The following WDR4 variants were observed in gnomAD, a reference collection of about 807,000 sequenced individuals.
The protein encoded by WDR4 is tRNA (guanine-N(7)-)-methyltransferase non-catalytic subunit WDR4.
In WDR4, 47 loss-of-function variants were observed where a neutral mutation model predicts 48.6. That is an observed-to-expected ratio of 0.97 (90% CI 0.77 to 1.23). The LOEUF is 1.23. WDR4 is among the 50% of genes most tolerant of loss of function. WDR4 has a pLI of 0.00. For missense variants in WDR4, 606 were observed against 551.6 expected, an observed-to-expected ratio of 1.10 and a Z score of -0.99; for synonymous variants, 268 against 230.0, an observed-to-expected ratio of 1.17 and a Z score of -1.49.
In WDR4 at chr21:42,876,155, C is replaced by T. The variant is rs201440236; in HGVS notation, c.155+547G>A. On this transcript the variant is annotated intron_variant, in intron 2 of 10. Transcript: ENST00000398208. ...TGAACTTCTGACCTCAGTCAGCACC[C>T]TGGCTTCCCAAAGTGCTGAGATTAT... 2.7e-5 allele frequency among the ~76,000 whole-genome samples: 4 copies of T among 150,388 alleles called. No individual in the cohort carries two copies. The East Asian group carries it at 7.8e-4, about 29-fold the overall frequency.
intron 2 of WDR4, among the ~76,000 whole-genome samples, chr21:42,876,099 T>TG (rs1018257206): frequency 1.3e-5 from 2 of 151,442 alleles, no homozygotes; most frequent in African/African-American, 2.4e-5. Flanking sequence ...TTAGTAGAGA[T>TG]GGAGTTTCAT....
chr21:42,861,719 T>C (rs2058120947), intron 5 of WDR4, among the ~76,000 whole-genome samples: 1 of 152,248 alleles, frequency 6.6e-6, no homozygotes, highest in African/African-American at 2.4e-5. Flanking sequence ...CTCCAATTTC[T>C]TCCACTGCCT....
intron 3 of WDR4, among the ~76,000 whole-genome samples, chr21:42,863,852 A>G (rs981368071): frequency 6.7e-6 from 1 of 149,744 alleles, no homozygotes; most frequent in Non-Finnish European, 1.5e-5. Context: ...CACACCTGTA[A>G]TCCCAGCACT....
downstream of WDR4, among the ~76,000 whole-genome samples, chr21:42,847,603 T>C (rs2057722215): frequency 6.6e-6 from 1 of 152,196 alleles, no homozygotes; most frequent in Admixed American, 6.5e-5. Context: ...TCCCAGCCAC[T>C]CCACTCTGCA....
At chr21:42,857,343 C>G (rs148811627) in intron 6 of WDR4, among the ~76,000 whole-genome samples, 1 of 152,080 alleles carries the variant, frequency 6.6e-6, no homozygotes, top group Non-Finnish European at 1.5e-5. Context: ...CTGACCCACA[C>G]GTTCTACGGA....
intron 6 of WDR4, among the ~76,000 whole-genome samples, chr21:42,858,777 T>C (rs2146030051): frequency 6.6e-6 from 1 of 152,284 alleles, no homozygotes; most frequent in Admixed American, 6.5e-5. Flanking sequence ...CGTGGCTGTG[T>C]GTTAATTTGA....
chr21:42,872,372 G>C (rs1569333906), intron 3 of WDR4, among the ~76,000 whole-genome samples: 1 of 151,992 alleles, frequency 6.6e-6, no homozygotes, highest in African/African-American at 2.4e-5. Context: ...CACTTTGGGA[G>C]GCTGAGGCGG....
chr21:42,879,881 A>G (rs1210562212), upstream of WDR4: 4 of 400,690 alleles, frequency 1.0e-5, no homozygotes, highest in East Asian at 1.1e-4. Context: ...TGATCCTTCA[A>G]GAAGTGAATG....
downstream of WDR4, among the ~76,000 whole-genome samples, chr21:42,844,660 G>A (rs2057695915): frequency 6.6e-6 from 1 of 152,182 alleles, no homozygotes; most frequent in Admixed American, 6.5e-5. Flanking sequence ...GGTGCAGCAG[G>A]CCAAGGCCTG....
At chr21:42,844,313 C>A (rs1456840436), downstream of WDR4, among the ~76,000 whole-genome samples, 2 of 152,112 alleles carry the variant, frequency 1.3e-5, no homozygotes, top group East Asian at 3.8e-4. Flanking sequence ...CACACATACC[C>A]TAAAGCTTAT....
At chr21:42,874,235 G>C (rs919869627) in intron 2 of WDR4, among the ~76,000 whole-genome samples, 2 of 152,150 alleles carry the variant, frequency 1.3e-5, no homozygotes, top group Admixed American at 6.5e-5. Context: ...CATAAATTGT[G>C]AAGATTTCAT....
At chr21:42,879,372 C>T (rs2058579121) in intron 1 of WDR4, 35 bp downstream of exon 1, 2 of 1,604,814 alleles carry the variant, frequency 1.2e-6, no homozygotes, top group Non-Finnish European at 8.5e-7. Flanking sequence ...CGCCCGCAGC[C>T]TGGTCTCCCT....
intron 6 of WDR4, among the ~76,000 whole-genome samples, chr21:42,856,130 T>C (rs1017335475): frequency 2.6e-5 from 4 of 152,272 alleles, no homozygotes; most frequent in East Asian, 1.9e-4. Context: ...GGGCCGGGCA[T>C]AGACACGGGC....
At chr21:42,857,132 T>A (rs1049347477) in intron 6 of WDR4, among the ~76,000 whole-genome samples, 4 of 151,610 alleles carry the variant, frequency 2.6e-5, no homozygotes, top group Non-Finnish European at 5.9e-5. Flanking sequence ...AAACGGGACC[T>A]CCCTGATGCA....
At chr21:42,882,890 G>A (rs2058617632), upstream of WDR4, among the ~76,000 whole-genome samples, 1 of 151,930 alleles carries the variant, frequency 6.6e-6, no homozygotes, top group Admixed American at 6.6e-5. Flanking sequence ...TCTGAGGTCA[G>A]GAGTTTGAGA....
intron 5 of WDR4, among the ~76,000 whole-genome samples, chr21:42,860,672 G>A (rs1369848308): frequency 1.3e-5 from 2 of 152,256 alleles, no homozygotes; most frequent in South Asian, 2.1e-4. Flanking sequence ...GGCACAGGAC[G>A]CCCCGTGCAG....
chr21:42,873,801 G>A (rs545218165), intron 2 of WDR4, 110 bp from the exon 3 acceptor site: 1 of 1,341,964 alleles, frequency 7.5e-7, no homozygotes, highest in Non-Finnish European at 1.0e-6. Context: ...AAACTGTTAA[G>A]GGGATCACGT....
In WDR4 at chr21:42,849,896, T is replaced by C. The variant is rs369314961; in HGVS notation, c.*153A>G. 9.9e-6 allele frequency: 9 copies of C among 906,272 alleles called. No individual in the cohort carries two copies. Among genetic ancestry groups the C allele is most frequent in the South Asian group, 3.6e-5 (2 of 55,050 alleles). The allele number at this position is 906,272 out of a possible 1,614,324, so 56.1% of individuals were successfully genotyped here. On this transcript the variant is annotated 3_prime_UTR_variant, in exon 11 of 11. Transcript: ENST00000398208. ...AAGAGCCTGTGCTGGTGACACAGAA[T>C]GTTCTTTCTAGAGCCCAGGGGACAG...
intron 3 of WDR4, among the ~76,000 whole-genome samples, chr21:42,869,026 T>G (rs1458711750): frequency 6.6e-6 from 1 of 152,192 alleles, no homozygotes; most frequent in Non-Finnish European, 1.5e-5. Flanking sequence ...GAACAGGCTA[T>G]AGGCTAGCAC....
Sources: gnomAD v4.1 joint callset for allele counts (sites outside exome capture counted in the v4.1 genomes callset) on GRCh38, gnomAD v4.1.1 for gene constraint, MANE v1.5 for transcripts, NCBI Gene and HGNC (gene_info 2026-07-23, HGNC 2026-07-21) for gene names.